The following DYNC2H1 variants were observed in gnomAD, a reference collection of about 807,000 sequenced individuals.
The protein encoded by DYNC2H1 is dynein cytoplasmic 2 heavy chain 1, also known as cytoplasmic dynein 2 heavy chain 1.
DYNC2H1 carries 410 observed loss-of-function variants against 570.0 expected under a neutral mutation model. The observed-to-expected ratio is 0.72, with a 90% CI of 0.66 to 0.78. The LOEUF (loss-of-function observed/expected upper bound fraction) is 0.78. DYNC2H1 is among the 30% of genes least tolerant of loss of function. The pLI is 0.00. For missense variants in DYNC2H1, 4,865 were observed against 5,046.4 expected, an observed-to-expected ratio of 0.96 and a Z score of 1.09; for synonymous variants, 1,688 against 1,677.6, an observed-to-expected ratio of 1.01 and a Z score of -0.15.
chr11:103,231,357 T>C lies in DYNC2H1; in HGVS notation c.9440+11T>C. 1.3e-6 allele frequency: 2 copies of C among 1,554,236 alleles called. No homozygotes were observed. The highest frequency in any genetic ancestry group is 8.8e-7 in the Non-Finnish European group (1 of 1,136,666). On this transcript the variant is annotated intron_variant, in intron 60 of 88. Coordinates refer to ENST00000375735, the MANE Select transcript of DYNC2H1 (RefSeq NM_001377.3). ...AGAACTCAAAGAAAAGTAAGTTATA[T>C]TTTGAAGTGTATTTTGGATAATGCT...
intron 83 of DYNC2H1, among the ~76,000 whole-genome samples, chr11:103,365,417 G>T (rs1940860870): frequency 6.6e-6 from 1 of 151,964 alleles, no homozygotes; most frequent in African/African-American, 2.4e-5. Flanking sequence ...ATAGAAGGTT[G>T]CTGGAGATTC....
intron 87 of DYNC2H1, among the ~76,000 whole-genome samples, chr11:103,460,000 A>C (rs183752625): frequency 7.9e-5 from 12 of 151,706 alleles, no homozygotes; most frequent in African/African-American, 2.7e-4. Flanking sequence ...GGACTTAGAA[A>C]AGTTTTCTTT....
intron 13 of DYNC2H1, among the ~76,000 whole-genome samples, chr11:103,132,734 T>C (rs1859342504): frequency 6.6e-6 from 1 of 151,944 alleles, no homozygotes; most frequent in African/African-American, 2.4e-5. Flanking sequence ...ACTGATTCAT[T>C]GCAGATGACT....
At position 103,204,520 on chromosome 11, in the gene DYNC2H1, A is replaced by G. The variant is rs1175889387; in HGVS notation, c.8312-302A>G. ...CTTTTATTCTTATAGAAACAGTTTT[A>G]TATGCACTGTAGAAATCCAAAATTG... On this transcript the variant is annotated intron_variant, in intron 51 of 88. Transcript: ENST00000375735. The surrounding 1 kb of genome is among the most constrained non-coding windows in gnomAD (Gnocchi z 4.1). 6.6e-6 allele frequency among the ~76,000 whole-genome samples: 1 copy of G among 152,146 alleles called. No individual in the cohort carries two copies. The highest frequency in any genetic ancestry group is 1.5e-5 in the Non-Finnish European group (1 of 68,022).
At chr11:103,214,446 CTTTT>C (rs200386358) in intron 54 of DYNC2H1, among the ~76,000 whole-genome samples, 1 of 127,446 alleles carries the variant, frequency 7.8e-6, no homozygotes. Context: ...ACTTCTTCTT[CTTTT>C]TTTTTTTTTT....
chr11:103,307,227 A>G (rs1867332729), intron 77 of DYNC2H1, among the ~76,000 whole-genome samples: 2 of 152,144 alleles, frequency 1.3e-5, no homozygotes, highest in Admixed American at 6.5e-5. Flanking sequence ...ATAGGCCATA[A>G]GGTGCTACTA....
Position 103,158,677 on chromosome 11 carries a change from A to G in DYNC2H1, c.4128A>G (p.Arg1376=). The change falls in exon 27 of 89, where the codon AGA becomes AGG. Residue 1376 remains arginine, a splice_region_variant and synonymous_variant. Transcript: ENST00000375735. Reference sequence around the variant, plus strand: ...GAAGATACTTTTTTTTCTTTTGTAGATCAATAATGACTGATATCAAGAAAG... The same window carrying G: ...GAAGATACTTTTTTTTCTTTTGTAGGTCAATAATGACTGATATCAAGAAAG... ...TRFNRVDEDF[R]SIMTDIKKDN... is the part of the protein sequence containing the mutation. 1 of 1,522,580 alleles carries G rather than the reference A, an allele frequency of 6.6e-7. No homozygotes were observed. The allele number at this position is 1,522,580 out of a possible 1,614,324, so 94.3% of individuals were successfully genotyped here.
intron 82 of DYNC2H1, among the ~76,000 whole-genome samples, chr11:103,350,794 GTC>G (rs1290488279): frequency 6.6e-6 from 1 of 151,974 alleles, no homozygotes; most frequent in African/African-American, 2.4e-5. Flanking sequence ...GGTCTCCAGT[GTC>G]TCTTCTTCCA....
At chr11:103,144,747 G>C (rs569768509) in intron 18 of DYNC2H1, among the ~76,000 whole-genome samples, 53 of 152,214 alleles carry the variant, frequency 3.5e-4, no homozygotes, top group African/African-American at 1.3e-3. Flanking sequence ...TTCTAAACAG[G>C]AGTGTGTCAG....
At chr11:103,258,477 CTTTG>C (rs1222177520) in intron 69 of DYNC2H1, among the ~76,000 whole-genome samples, 15 of 152,140 alleles carry the variant, frequency 9.9e-5, no homozygotes, top group Non-Finnish European at 1.3e-4. Flanking sequence ...GCAGGGATGA[CTTTG>C]TTTGTTTCAC....
chr11:103,227,500 C>T (rs1342388247), intron 59 of DYNC2H1, among the ~76,000 whole-genome samples: 1 of 152,106 alleles, frequency 6.6e-6, no homozygotes, highest in Non-Finnish European at 1.5e-5. Flanking sequence ...TTGAAGGTCC[C>T]TTTTGGAGTT....
chr11:103,422,557 T>A (rs548457371), intron 84 of DYNC2H1, among the ~76,000 whole-genome samples: 19 of 152,258 alleles, frequency 1.2e-4, no homozygotes, highest in Admixed American at 9.8e-4. Flanking sequence ...ATAGATGTGT[T>A]TCATTGCATA....
At chr11:103,454,922 A>G (rs1214467853) in intron 85 of DYNC2H1, 1 of 366,320 alleles carries the variant, frequency 2.7e-6, no homozygotes, top group East Asian at 4.8e-5. Context: ...CATTAGGTTA[A>G]TTTTCACCTT....
rs942211384 is a variant in DYNC2H1 at position 103,275,290 on chromosome 11, T to C, written c.10696-5058T>C. On this transcript the variant is annotated intron_variant, in intron 70 of 88. Transcript: ENST00000375735. This position sits in a 1 kb window ranked among gnomAD's most constrained non-coding sequence, Gnocchi z 4.8. ...ACATACTGTACAGCCTCTTTCACTA[T>C]CAAAATCCTGCACCAGAGTGGTACA... Among the ~76,000 whole-genome samples the C allele has an allele frequency of 6.6e-6, 1 of 152,154 alleles. No individual in the cohort carries two copies. Among genetic ancestry groups the C allele is most frequent in the Non-Finnish European group, 1.5e-5 (1 of 68,020 alleles).
chr11:103,449,676 T>C (rs200144980), intron 85 of DYNC2H1, among the ~76,000 whole-genome samples: 4 of 136,246 alleles, frequency 2.9e-5, no homozygotes, highest in Admixed American at 1.5e-4. Flanking sequence ...TTTTCATTAT[T>C]ATTCTTAATT....
At chr11:103,165,060 G>A (rs921380924) in intron 30 of DYNC2H1, among the ~76,000 whole-genome samples, 10 of 152,170 alleles carry the variant, frequency 6.6e-5, no homozygotes, top group Admixed American at 5.2e-4. Context: ...TTTGGGCGAT[G>A]AATTTGCTTA....
At position 103,249,350 on chromosome 11, in the gene DYNC2H1, T is replaced by G. The variant is rs1864743340; in HGVS notation, c.10043-3935T>G. ...TCTACTCACCAAAGAAAAACTTTTT[T>G]TATTTTAACTTTTTATTTAAAAATA... On this transcript the variant is annotated intron_variant, in intron 65 of 88. Transcript: ENST00000375735. The surrounding 1 kb of genome is among the most constrained non-coding windows in gnomAD (Gnocchi z 4.6). Among the ~76,000 whole-genome samples, 1 of 152,056 alleles carries G rather than the reference T, an allele frequency of 6.6e-6. No individual in the cohort carries two copies. Among genetic ancestry groups the G allele is most frequent in the Admixed American group, 6.6e-5 (1 of 15,244 alleles).
At position 103,177,038 on chromosome 11, in the gene DYNC2H1, C is replaced by T. The variant is rs1299790219; in HGVS notation, c.5875-518C>T. On this transcript the variant is annotated intron_variant, in intron 37 of 88. Coordinates refer to ENST00000375735, the MANE Select transcript of DYNC2H1 (RefSeq NM_001377.3). This position sits in a 1 kb window ranked among gnomAD's most constrained non-coding sequence, Gnocchi z 4.4. ...TATATTTTTGCTCACCATTTCATTT[C>T]TATTGCCTGTTATAGTACCTAATGT... Among the ~76,000 whole-genome samples the T allele has an allele frequency of 6.6e-6, 1 of 152,010 alleles. No individual in the cohort carries two copies. The highest frequency in any genetic ancestry group is 1.5e-5 in the Non-Finnish European group (1 of 68,000).
At chr11:103,388,094 T>A (rs1328532077) in intron 83 of DYNC2H1, among the ~76,000 whole-genome samples, 11 of 152,130 alleles carry the variant, frequency 7.2e-5, no homozygotes, top group African/African-American at 2.7e-4. Flanking sequence ...TACCTTGGGA[T>A]GTATGGCCAT....
Sources: gnomAD v4.1 joint callset for allele counts (sites outside exome capture counted in the v4.1 genomes callset) on GRCh38, gnomAD v4.1.1 for gene constraint, Gnocchi (gnomAD v3.1) non-coding constraint, MANE v1.5 for transcripts, NCBI Gene and HGNC (gene_info 2026-07-23, HGNC 2026-07-21) for gene names.